The following TFPI variants were observed in gnomAD, a reference collection of about 807,000 sequenced individuals.
TFPI encodes the protein anti-convertin.
Under a neutral mutation model 34.6 loss-of-function variants are expected in TFPI, and 15 were observed. The ratio of observed to expected loss-of-function variants is 0.43; its 90% CI spans 0.29 to 0.67. The LOEUF (loss-of-function observed/expected upper bound fraction) is 0.67, where lower values mean the gene tolerates loss of function less well. TFPI is among the 30% of genes least tolerant of loss of function. The pLI, the probability that TFPI is intolerant of heterozygous loss-of-function variation, is 0.15. For missense variants in TFPI, 301 were observed against 364.0 expected (o/e 0.83, Z 1.41); for synonymous variants, 105 against 120.1 (o/e 0.87, Z 0.82).
At chr2:187,530,211 A>G (rs1687891544) in intron 1 of TFPI, among the ~76,000 whole-genome samples, 1 of 152,198 alleles carries the variant, frequency 6.6e-6, no homozygotes, top group African/African-American at 2.4e-5. Context: ...CTGGAGGTCA[A>G]TTCTTGTAAC....
intron 6 of TFPI, among the ~76,000 whole-genome samples, chr2:187,482,930 T>G (rs1692983893): frequency 6.6e-6 from 1 of 151,934 alleles, no homozygotes; most frequent in Non-Finnish European, 1.5e-5. Context: ...AGATCTCATG[T>G]CTCTTTACAC....
chr2:187,532,967 G>A (rs1688049332), intron 1 of TFPI, among the ~76,000 whole-genome samples: 1 of 151,302 alleles, frequency 6.6e-6, no homozygotes, highest in African/African-American at 2.4e-5. Flanking sequence ...CCCCAGGGAA[G>A]TTCCAGCACA....
intron 3 of TFPI, among the ~76,000 whole-genome samples, chr2:187,489,699 T>C (rs1684982274): frequency 6.6e-6 from 1 of 151,454 alleles, no homozygotes; most frequent in Non-Finnish European, 1.5e-5. Context: ...GAACATCTAT[T>C]TTGTTTGTTT....
At chr2:187,516,452 T>A (rs1277356725) in intron 1 of TFPI, 1 of 152,202 alleles carries the variant, frequency 6.6e-6, no homozygotes, top group Admixed American at 6.5e-5. Context: ...CTACCTGTAC[T>A]CCTTCAAGTA....
intron 6 of TFPI, among the ~76,000 whole-genome samples, chr2:187,480,224 C>A (rs1459043104): frequency 2.0e-5 from 3 of 151,996 alleles, no homozygotes; most frequent in Non-Finnish European, 4.4e-5. Flanking sequence ...ATATAAATTT[C>A]TTCTGCAAAT....
intron 1 of TFPI, among the ~76,000 whole-genome samples, chr2:187,549,523 T>C (rs1298785059): frequency 6.6e-6 from 1 of 152,134 alleles, no homozygotes; most frequent in African/African-American, 2.4e-5. Context: ...ATCTAAAATA[T>C]AGAAGAGAGT....
At chr2:187,468,297 CATAT>C (rs1029517785) in intron 6 of TFPI, among the ~76,000 whole-genome samples, 2 of 151,502 alleles carry the variant, frequency 1.3e-5, no homozygotes, top group Middle Eastern at 3.2e-3. Context: ...ACACATCACA[CATAT>C]ATATTAATTT....
chr2:187,545,755 ATAAAT>A (rs948867180), intron 1 of TFPI, among the ~76,000 whole-genome samples: 11 of 152,178 alleles, frequency 7.2e-5, no homozygotes, highest in South Asian at 2.1e-4. Flanking sequence ...TAAAACAAAA[ATAAAT>A]TAAAGAAAAT....
chr2:187,483,345 C>G (rs73048688), intron 6 of TFPI, among the ~76,000 whole-genome samples: 2,668 of 151,782 alleles, frequency 0.018, 73 homozygotes, highest in African/African-American at 0.061. Flanking sequence ...ATAAACATGC[C>G]AAGTTTACCT....
chr2:187,468,403 A>G (rs1691842565), intron 6 of TFPI, among the ~76,000 whole-genome samples: 1 of 152,136 alleles, frequency 6.6e-6, no homozygotes, highest in Non-Finnish European at 1.5e-5. Context: ...AAGCTGAGGA[A>G]GAGTTACTTC....
intron 1 of TFPI, chr2:187,514,968 A>G (rs1337792397): frequency 6.6e-6 from 1 of 152,246 alleles, no homozygotes; most frequent in Non-Finnish European, 1.5e-5. Flanking sequence ...ATGAGTTAAA[A>G]GAAAAACTCA....
chr2:187,506,905 GTTTA>G (rs956111103), intron 1 of TFPI, among the ~76,000 whole-genome samples: 2 of 151,796 alleles, frequency 1.3e-5, no homozygotes, highest in Non-Finnish European at 2.9e-5. Context: ...TTTCCATACT[GTTTA>G]TTTATTTATT....
chr2:187,536,938 A>G (rs1559154163), intron 1 of TFPI, among the ~76,000 whole-genome samples: 1 of 146,670 alleles, frequency 6.8e-6, no homozygotes, highest in South Asian at 2.1e-4. Context: ...TTGTACACCA[A>G]TAACAGACAA....
intron 1 of TFPI, among the ~76,000 whole-genome samples, chr2:187,538,583 CAG>C (rs1216743519): frequency 1.3e-5 from 2 of 152,098 alleles, no homozygotes; most frequent in African/African-American, 2.4e-5. Flanking sequence ...CCTGGCCTGT[CAG>C]GGGTTCGTGG....
intron 1 of TFPI, among the ~76,000 whole-genome samples, chr2:187,548,181 G>T (rs1225480208): frequency 6.6e-6 from 1 of 152,014 alleles, no homozygotes; most frequent in Non-Finnish European, 1.5e-5. Flanking sequence ...AACAGAAAGA[G>T]ATCTTAAAAT....
At position 187,499,351 on chromosome 2, in the gene TFPI, G is replaced by A. The variant is rs72904401; in HGVS notation, c.122-2273C>T. ...TTGCTAAAAATACTTTCTAAAAATC[G>A]AAAAATGTATGAACCAAAATGACTT... is the stretch of plus-strand genomic sequence containing the variant. On this transcript the variant is annotated intron_variant, in intron 2 of 7. Transcript: ENST00000233156. Among the ~76,000 whole-genome samples the A allele has an allele frequency of 1.8e-4, 27 of 151,846 alleles. 1 individual carries two copies. The highest frequency in any genetic ancestry group is 2.6e-4 in the Admixed American group (4 of 15,238).
At chr2:187,480,024 C>T (rs552847223) in intron 6 of TFPI, among the ~76,000 whole-genome samples, 81 of 152,100 alleles carry the variant, frequency 5.3e-4, no homozygotes, top group African/African-American at 1.9e-3. Flanking sequence ...GACCTTGAAG[C>T]CCCATGATAC....
At chr2:187,477,809 C>T (rs1313768515) in intron 6 of TFPI, among the ~76,000 whole-genome samples, 1 of 151,876 alleles carries the variant, frequency 6.6e-6, no homozygotes, top group Non-Finnish European at 1.5e-5. Context: ...CTATTTTTTC[C>T]ACATAAATGG....
At chr2:187,552,238 A>G (rs561278605) in intron 1 of TFPI, among the ~76,000 whole-genome samples, 11 of 152,016 alleles carry the variant, frequency 7.2e-5, no homozygotes, top group Non-Finnish European at 1.6e-4. Flanking sequence ...ACCATTCCTA[A>G]GGAATTGATA....
Sources: allele counts gnomAD v4.1 joint callset (sites outside exome capture counted in the v4.1 genomes callset), GRCh38; gene constraint gnomAD v4.1.1; transcripts MANE v1.5; gene names NCBI Gene and HGNC (gene_info 2026-07-23, HGNC 2026-07-21).